CTNNA2: variants seen among roughly 807,000 people sequenced by gnomAD.
CTNNA2 encodes catenin alpha-2.
Under a neutral mutation model 101.0 loss-of-function variants are expected in CTNNA2, and 42 were observed. That is an observed-to-expected ratio of 0.42 (90% CI 0.32 to 0.54). The LOEUF (loss-of-function observed/expected upper bound fraction) is 0.54. Ranked by LOEUF, CTNNA2 falls within the 20% of genes least tolerant of loss-of-function variation. The pLI is 0.14. For synonymous variants in CTNNA2, 450 were observed against 456.4 expected, an observed-to-expected ratio of 0.99 and a Z score of 0.18; for missense variants, 871 against 1,223.1, an observed-to-expected ratio of 0.71 and a Z score of 4.29.
At chr2:79,689,353 C>A (rs987894097) in intron 2 of CTNNA2, among the ~76,000 whole-genome samples, 6 of 151,950 alleles carry the variant, frequency 3.9e-5, no homozygotes, top group African/African-American at 1.4e-4. Flanking sequence ...TGTCACAAGA[C>A]TCTGGGCTTT....
chr2:80,545,092 T>C lies in CTNNA2; in HGVS notation c.1383+18T>C. The stretch of plus-strand genomic sequence containing the variant: ...GTCCCCAGGTAAGCCTCATTCACTT[T>C]GTTTCAAAAGCCTGTCAGTGACCTT... On this transcript the variant is annotated intron_variant, in intron 10 of 18. Transcript: ENST00000402739. The C allele has an allele frequency of 6.2e-7, 1 of 1,612,546 alleles. No homozygotes were observed. The highest frequency in any genetic ancestry group is 1.7e-5 in the Admixed American group (1 of 59,894).
chr2:80,573,540 C>T (rs961807924), intron 12 of CTNNA2, among the ~76,000 whole-genome samples: 1 of 152,076 alleles, frequency 6.6e-6, no homozygotes, highest in Admixed American at 6.6e-5. Context: ...GCTCCACCCT[C>T]CCCTCCCCCA....
chr2:79,499,767 T>C (rs1172497721), intron 4 of CTNNA2, among the ~76,000 whole-genome samples: 1 of 152,226 alleles, frequency 6.6e-6, no homozygotes, highest in Non-Finnish European at 1.5e-5. Flanking sequence ...TGCTCCTACA[T>C]GGAGCCTTGC....
intron 7 of CTNNA2, among the ~76,000 whole-genome samples, chr2:80,274,946 C>A (rs1673777531): frequency 6.6e-6 from 1 of 152,150 alleles, no homozygotes; most frequent in South Asian, 2.1e-4. Flanking sequence ...ATCTGTCACC[C>A]TCAGAAGATA....
intron 9 of CTNNA2, among the ~76,000 whole-genome samples, chr2:80,511,193 G>A (rs1688676777): frequency 6.6e-6 from 1 of 152,136 alleles, no homozygotes. Context: ...TCCTCAGTAT[G>A]CATCTACTTG....
At chr2:79,737,412 G>T (rs968122774) in intron 2 of CTNNA2, among the ~76,000 whole-genome samples, 1 of 151,214 alleles carries the variant, frequency 6.6e-6, no homozygotes, top group Non-Finnish European at 1.5e-5. Flanking sequence ...TAGACTCCTA[G>T]ATAAATGTTT....
intron 7 of CTNNA2, among the ~76,000 whole-genome samples, chr2:80,175,159 G>A (rs1451665542): frequency 3.9e-5 from 6 of 152,004 alleles, no homozygotes; most frequent in Admixed American, 1.3e-4. Flanking sequence ...CGGGATATAG[G>A]ACCTTTGCGT....
intron 17 of CTNNA2, among the ~76,000 whole-genome samples, chr2:80,610,154 G>T (rs185833669): frequency 1.5e-4 from 23 of 151,838 alleles, no homozygotes; most frequent in African/African-American, 5.5e-4. Flanking sequence ...TCATGGGCCT[G>T]CTCTTGGCTT....
At chr2:79,198,559 A>G (rs895451405) in intron 2 of CTNNA2, among the ~76,000 whole-genome samples, 3 of 152,348 alleles carry the variant, frequency 2.0e-5, no homozygotes, top group Admixed American at 6.5e-5. Flanking sequence ...ATTGCAGGTA[A>G]CAAACCAAAA....
chr2:79,264,868 G>A lies in CTNNA2; in HGVS notation c.-405-47841G>A, dbSNP rs184381875. Reference sequence around the variant, plus strand: ...TAAAGTTCAATGTTCTTAAGCTAAGGAGAGGAAGTCCTAATAGCTTTACAT... The same window carrying A: ...TAAAGTTCAATGTTCTTAAGCTAAGAAGAGGAAGTCCTAATAGCTTTACAT... On this transcript the variant is annotated intron_variant, in intron 2 of 21. Coordinates refer to the CTNNA2 transcript ENST00000466387. Among the ~76,000 whole-genome samples the A allele has an allele frequency of 1.1e-4, 16 of 152,152 alleles. No individual in the cohort carries two copies. In the East Asian group the frequency reaches 2.9e-3, roughly 28 times the overall value.
intron 2 of CTNNA2, among the ~76,000 whole-genome samples, chr2:79,297,463 A>G (rs1558612566): frequency 6.6e-6 from 1 of 152,228 alleles, no homozygotes; most frequent in East Asian, 1.9e-4. Context: ...TGACAATATC[A>G]AGATCTACAG....
chr2:79,677,840 G>T (rs542080989), intron 2 of CTNNA2, among the ~76,000 whole-genome samples: 4 of 152,322 alleles, frequency 2.6e-5, no homozygotes, highest in South Asian at 2.1e-4. Context: ...TAAAAGGTGT[G>T]TTGGATGGAA....
intron 7 of CTNNA2, among the ~76,000 whole-genome samples, chr2:80,319,844 TAA>T (rs973951431): frequency 8.5e-5 from 13 of 152,336 alleles, no homozygotes; most frequent in African/African-American, 3.1e-4. Context: ...ATGTTCTGTA[TAA>T]AGACGGTAAC....
chr2:79,934,435 G>C (rs1256861955), intron 7 of CTNNA2, among the ~76,000 whole-genome samples: 1 of 152,252 alleles, frequency 6.6e-6, no homozygotes, highest in African/African-American at 2.4e-5. Context: ...TTGAGTGGTT[G>C]TTCCCATTTC....
chr2:80,622,420 A>G (rs1671230928), intron 18 of CTNNA2, among the ~76,000 whole-genome samples: 1 of 151,906 alleles, frequency 6.6e-6, no homozygotes, highest in African/African-American at 2.4e-5. Context: ...TCAGATGGTG[A>G]TGGAAATGTC....
chr2:79,890,419 G>A (rs1284617640), intron 6 of CTNNA2, among the ~76,000 whole-genome samples: 1 of 152,154 alleles, frequency 6.6e-6, no homozygotes, highest in Non-Finnish European at 1.5e-5. Flanking sequence ...TTCCCCAAGT[G>A]TCCTGTGAAG....
intron 7 of CTNNA2, among the ~76,000 whole-genome samples, chr2:80,149,291 A>G (rs1416736360): frequency 6.6e-6 from 1 of 152,092 alleles, no homozygotes; most frequent in African/African-American, 2.4e-5. Context: ...CTTTCCACTC[A>G]GCTTCCCAAA....
intron 7 of CTNNA2, among the ~76,000 whole-genome samples, chr2:80,035,429 G>A (rs1695585244): frequency 6.6e-6 from 1 of 152,224 alleles, no homozygotes; most frequent in South Asian, 2.1e-4. Flanking sequence ...CACAATTGTT[G>A]TAAAAAGGAC....
At chr2:79,630,213 T>G (rs1573518679) in intron 1 of CTNNA2, among the ~76,000 whole-genome samples, 1 of 152,192 alleles carries the variant, frequency 6.6e-6, no homozygotes, top group Non-Finnish European at 1.5e-5. Context: ...CTTCCCCAAG[T>G]GGCACTGTAA....
Sources: allele counts gnomAD v4.1 joint callset (sites outside exome capture counted in the v4.1 genomes callset), GRCh38; gene constraint gnomAD v4.1.1; transcripts MANE v1.5; gene names NCBI Gene and HGNC (gene_info 2026-07-23, HGNC 2026-07-21).